DGKI: variants seen among roughly 807,000 people sequenced by gnomAD.
The protein encoded by DGKI is DAG kinase iota.
Under a neutral mutation model 147.5 loss-of-function variants are expected in DGKI, and 55 were observed. The observed-to-expected ratio is 0.37, with a 90% confidence interval of 0.30 to 0.47. The LOEUF is 0.47. DGKI is among the 20% of genes least tolerant of loss of function. DGKI has a pLI of 1.00. For missense variants in DGKI, 1,007 were observed against 1,323.8 expected, an observed-to-expected ratio of 0.76 and a Z score of 3.71; for synonymous variants, 469 against 477.1, an observed-to-expected ratio of 0.98 and a Z score of 0.22.
chr7:137,412,596 TATGA>T (rs1401181994), intron 28 of DGKI, among the ~76,000 whole-genome samples: 1 of 152,218 alleles, frequency 6.6e-6, no homozygotes, highest in East Asian at 1.9e-4. Flanking sequence ...CATGAAGTCC[TATGA>T]ATGTTCCTAA....
In DGKI at chr7:137,640,195, C is replaced by T. The variant is rs548768760; in HGVS notation, c.804+5277G>A. On this transcript the variant is annotated intron_variant, in intron 6 of 32. Coordinates refer to ENST00000614521, the MANE Select transcript of DGKI (RefSeq NM_001321708.2). ...AATTCCCCATTTCCCCCTCCCAGGA[C>T]GAATCTATAGGATATTACACTGAAG... Among the ~76,000 whole-genome samples, 20 of 151,976 alleles carry T rather than the reference C, an allele frequency of 1.3e-4. No individual in the cohort carries two copies. In the South Asian group the frequency reaches 1.5e-3, roughly 11 times the overall value.
At chr7:137,482,017 C>T (rs1188495186) in intron 23 of DGKI, among the ~76,000 whole-genome samples, 4 of 151,868 alleles carry the variant, frequency 2.6e-5, no homozygotes, top group East Asian at 1.9e-4. Flanking sequence ...TTACTCCCAC[C>T]GGGACAAACT....
At chr7:137,691,785 T>TCTAG (rs1823611214) in intron 1 of DGKI, among the ~76,000 whole-genome samples, 1 of 138,596 alleles carries the variant, frequency 7.2e-6, no homozygotes, top group African/African-American at 2.6e-5. Context: ...TCAGCAAGTG[T>TCTAG]CTAGACCTTT....
At chr7:137,418,211 T>C (rs996283850) in intron 28 of DGKI, among the ~76,000 whole-genome samples, 1 of 152,226 alleles carries the variant, frequency 6.6e-6, no homozygotes, top group Admixed American at 6.5e-5. Context: ...CTAACTGCTA[T>C]GACCTTGGGC....
At chr7:137,755,456 C>T (rs185681548) in intron 1 of DGKI, among the ~76,000 whole-genome samples, 1 of 152,164 alleles carries the variant, frequency 6.6e-6, no homozygotes, top group Non-Finnish European at 1.5e-5. Context: ...GTGAGCTTTT[C>T]AGGCTTAAAA....
intron 1 of DGKI, among the ~76,000 whole-genome samples, chr7:137,720,773 CTTAA>C (rs1794531652): frequency 1.3e-5 from 2 of 152,076 alleles, no homozygotes; most frequent in African/African-American, 4.8e-5. Context: ...TGGTTAATCA[CTTAA>C]TTGTCACTGC....
intron 1 of DGKI, among the ~76,000 whole-genome samples, chr7:137,730,518 TC>T (rs767280311): frequency 6.6e-6 from 1 of 152,086 alleles, no homozygotes; most frequent in Non-Finnish European, 1.5e-5. Context: ...TGATCTCTAA[TC>T]CATCCTTCCC....
chr7:137,643,314 A>T (rs979719927), intron 6 of DGKI, among the ~76,000 whole-genome samples: 1 of 149,346 alleles, frequency 6.7e-6, no homozygotes, highest in East Asian at 2.0e-4. Flanking sequence ...AAAAAAAAAA[A>T]AAGTCTATGA....
chr7:137,631,543 T>C (rs1305429346), intron 6 of DGKI, among the ~76,000 whole-genome samples: 1 of 152,046 alleles, frequency 6.6e-6, no homozygotes, highest in Non-Finnish European at 1.5e-5. Flanking sequence ...ACCTAATCAC[T>C]ATGTACTAGC....
intron 23 of DGKI, 72 bp downstream of exon 23, chr7:137,485,302 T>G: frequency 8.6e-7 from 1 of 1,159,460 alleles, no homozygotes; most frequent in Non-Finnish European, 1.3e-6. Flanking sequence ...TAAATCAAAA[T>G]AAGACATTAA....
At chr7:137,609,134 G>A in intron 9 of DGKI, 70 bp from the exon 10 acceptor site, 1 of 1,190,800 alleles carries the variant, frequency 8.4e-7, no homozygotes. Context: ...GGCAAGGGAG[G>A]TGGAAAACCA....
chr7:137,661,054 C>G (rs1463457977), intron 3 of DGKI, among the ~76,000 whole-genome samples: 2 of 152,180 alleles, frequency 1.3e-5, no homozygotes, highest in African/African-American at 4.8e-5. Context: ...ACAAGGCTGG[C>G]TGTCCCCTTC....
intron 14 of DGKI, among the ~76,000 whole-genome samples, chr7:137,584,084 C>A (rs1819301352): frequency 6.6e-6 from 1 of 152,068 alleles, no homozygotes; most frequent in Non-Finnish European, 1.5e-5. Context: ...TGATCTAAAT[C>A]TAAAATGATA....
intron 28 of DGKI, among the ~76,000 whole-genome samples, chr7:137,428,504 C>A (rs2128909886): frequency 6.6e-6 from 1 of 152,188 alleles, no homozygotes; most frequent in East Asian, 1.9e-4. Flanking sequence ...GACAGGGATG[C>A]CCTCTCTCAC....
chr7:137,455,922 A>C (rs548126050), intron 27 of DGKI, among the ~76,000 whole-genome samples: 20 of 152,276 alleles, frequency 1.3e-4, no homozygotes, highest in African/African-American at 4.8e-4. Flanking sequence ...ATTTTTTTGA[A>C]AATATTTCAA....
At chr7:137,425,663 A>C (rs10233569) in intron 28 of DGKI, among the ~76,000 whole-genome samples, 61,603 of 151,792 alleles carry the variant, frequency 0.41, 13,036 homozygotes, top group East Asian at 0.74. Context: ...AAAATTTAGA[A>C]GAATGTATAA....
At chr7:137,784,538 A>G (rs373831466) in intron 1 of DGKI, among the ~76,000 whole-genome samples, 1 of 152,088 alleles carries the variant, frequency 6.6e-6, no homozygotes, top group South Asian at 2.1e-4. Context: ...GGACTTTAAT[A>G]CTCCACTGAC....
chr7:137,838,311 C>T (rs1181007481), intron 1 of DGKI, among the ~76,000 whole-genome samples: 2 of 152,142 alleles, frequency 1.3e-5, no homozygotes, highest in Admixed American at 1.3e-4. Context: ...AAAGAGAATG[C>T]TTTCAGTCTG....
intron 1 of DGKI, chr7:137,722,353 C>T (rs1017506978): frequency 9.3e-6 from 15 of 1,612,758 alleles, no homozygotes; most frequent in Middle Eastern, 1.7e-4. Context: ...AGATGTGCCT[C>T]GAAAGCTGTT....
Sources: gnomAD v4.1 joint callset for allele counts (sites outside exome capture counted in the v4.1 genomes callset) on GRCh38, gnomAD v4.1.1 for gene constraint, MANE v1.5 for transcripts, NCBI Gene and HGNC (gene_info 2026-07-23, HGNC 2026-07-21) for gene names.